The following SSH1 variants were observed in gnomAD, a reference collection of about 807,000 sequenced individuals.
The protein encoded by SSH1 is slingshot protein phosphatase 1.
In SSH1, 43 loss-of-function variants were observed where a neutral mutation model predicts 79.7. The observed-to-expected ratio is 0.54, with a 90% CI of 0.42 to 0.70. The LOEUF is 0.70. Among genes scored for constraint, SSH1 ranks in the 30% least tolerant of loss-of-function variants. The pLI, the probability that SSH1 is intolerant of heterozygous loss-of-function variation, is 0.00. For missense variants in SSH1, 1,206 were observed against 1,358.8 expected, an observed-to-expected ratio of 0.89 and a Z score of 1.77; for synonymous variants, 599 against 538.3, an observed-to-expected ratio of 1.11 and a Z score of -1.56.
At chr12:108,816,641 C>T (rs947714962) in intron 5 of SSH1, among the ~76,000 whole-genome samples, 1 of 152,178 alleles carries the variant, frequency 6.6e-6, no homozygotes, top group Non-Finnish European at 1.5e-5. Context: ...CCATACTTCT[C>T]CCCGGGCCCC....
At chr12:108,789,463 C>G (rs2036412312) in intron 14 of SSH1, among the ~76,000 whole-genome samples, 2 of 152,088 alleles carry the variant, frequency 1.3e-5, no homozygotes, top group Admixed American at 6.6e-5. Flanking sequence ...CAATAGAAAA[C>G]AAGTTTACAT....
chr12:108,837,982 C>A (rs1212104453), intron 2 of SSH1, among the ~76,000 whole-genome samples: 1 of 152,134 alleles, frequency 6.6e-6, no homozygotes, highest in Non-Finnish European at 1.5e-5. Context: ...CAGGGTCTCA[C>A]TATGCTGCCA....
rs764074685 is a variant in SSH1 at position 108,792,631 on chromosome 12, G to T, written c.1548C>A (p.Asp516Glu). The change falls in exon 14 of 15, where the codon GAC (aspartate) becomes GAA (glutamate). Residue 516 changes from aspartate to glutamate, a missense_variant. Coordinates refer to ENST00000326495, the MANE Select transcript of SSH1 (RefSeq NM_018984.4). ...CATCCTCAGGGGAAGGCAGAAGGGG[G>T]TCTGAGAGTCGCCGGAAACAGCAGG... ...PLPCCFRRLS[D>E]PLLPSPEDET... 3.7e-6 allele frequency: 6 copies of T among 1,612,078 alleles called. No homozygotes were observed. The South Asian group carries it at 6.6e-5, about 18-fold the overall frequency.
chr12:108,840,144 T>C (rs1218101458), intron 2 of SSH1, among the ~76,000 whole-genome samples: 1 of 152,120 alleles, frequency 6.6e-6, no homozygotes, highest in Non-Finnish European at 1.5e-5. Context: ...GGCTTCCTCA[T>C]AAGCACATCA....
rs1021073402 is a variant in SSH1 at position 108,789,104 on chromosome 12, G to A, written c.2034C>T (p.Thr678=). 2 of 1,613,916 alleles carry A rather than the reference G, an allele frequency of 1.2e-6. No homozygotes were observed. The highest frequency in any genetic ancestry group is 1.7e-6 in the Non-Finnish European group (2 of 1,179,878). Residue 678 remains threonine, a synonymous_variant, in exon 15 of 15, where the codon ACC becomes ACT. Coordinates refer to ENST00000326495, the MANE Select transcript of SSH1 (RefSeq NM_018984.4). ...TGATGTGGGGTAGGAAGGCTGGCTG[G>A]GTGCAGATGGCGGGAGCATTGGGGT... is the stretch of plus-strand genomic sequence containing the variant. ...CEDPNAPAIC[T]QPAFLPHITS...
intron 2 of SSH1, among the ~76,000 whole-genome samples, chr12:108,848,198 C>T (rs1398560016): frequency 1.3e-5 from 2 of 152,138 alleles, no homozygotes; most frequent in African/African-American, 4.8e-5. Context: ...AGGTGTTCCT[C>T]TGTGACGGGA....
At chr12:108,837,763 G>A (rs1328500521) in intron 2 of SSH1, among the ~76,000 whole-genome samples, 1 of 151,810 alleles carries the variant, frequency 6.6e-6, no homozygotes, top group Non-Finnish European at 1.5e-5. Flanking sequence ...AGCATTACAA[G>A]TTTTCGAGTT....
intron 10 of SSH1, among the ~76,000 whole-genome samples, chr12:108,804,691 CTG>C (rs2037187727): frequency 6.6e-6 from 1 of 152,208 alleles, no homozygotes; most frequent in Non-Finnish European, 1.5e-5. Context: ...CCTTTAGTAA[CTG>C]GGGTTTTTTA....
At chr12:108,831,287 T>C (rs2038467049) in intron 2 of SSH1, among the ~76,000 whole-genome samples, 1 of 152,188 alleles carries the variant, frequency 6.6e-6, no homozygotes, top group Non-Finnish European at 1.5e-5. Flanking sequence ...TCCAGCGAAC[T>C]TGATGGTAAT....
At chr12:108,815,058 G>T (rs1347444936) in intron 5 of SSH1, among the ~76,000 whole-genome samples, 2 of 152,228 alleles carry the variant, frequency 1.3e-5, no homozygotes. Context: ...GAGCTAGCAA[G>T]TCCATACATG....
Position 108,802,371 on chromosome 12 carries a change from G to A in SSH1, c.955-3C>T, listed in dbSNP as rs1162606950. ...TTGGATGCATTCCATTCAGAGCCCT[G>A]GGAGACAGATCACACAAGCTCCTGT... On this transcript the variant is annotated splice_polypyrimidine_tract_variant and splice_region_variant and intron_variant, in intron 10 of 14. Transcript: ENST00000326495. 4.3e-6 allele frequency: 7 copies of A among 1,613,960 alleles called. No homozygotes were observed. Among genetic ancestry groups the A allele is most frequent in the Non-Finnish European group, 5.9e-6 (7 of 1,179,884 alleles).
At chr12:108,854,447 A>C (rs770851266) in intron 1 of SSH1, among the ~76,000 whole-genome samples, 2 of 152,272 alleles carry the variant, frequency 1.3e-5, no homozygotes, top group Non-Finnish European at 2.9e-5. Flanking sequence ...AGGAACTGAG[A>C]TAAGATTCAC....
In SSH1 at chr12:108,799,153, C is replaced by T. The variant is rs1222844460; in HGVS notation, c.1196G>A (p.Arg399His). 6 of 1,614,136 alleles carry T rather than the reference C, an allele frequency of 3.7e-6. No individual in the cohort carries two copies. The highest frequency in any genetic ancestry group is 5.1e-6 in the Non-Finnish European group (6 of 1,180,022). ...CLVHCKMGVS[R>H]SASTVIAYAM... is the part of the protein sequence containing the mutation. ...ATAGGCTATGACTGTGGAGGCCGAG[C>T]GACTCACGCCCATTTTGCAATGCAC... is the stretch of plus-strand genomic sequence containing the variant. Residue 399 changes from arginine (R) to histidine (H), a missense_variant, in exon 13 of 15, where the codon CGC (arginine) becomes CAC (histidine). This residue lies in a region of SSH1 where 166 missense variants were observed against 262.9 expected (regional missense o/e 0.63). Coordinates refer to ENST00000326495, the MANE Select transcript of SSH1 (RefSeq NM_018984.4).
At chr12:108,831,074 G>A (rs953413054) in intron 2 of SSH1, among the ~76,000 whole-genome samples, 1 of 152,210 alleles carries the variant, frequency 6.6e-6, no homozygotes, top group Non-Finnish European at 1.5e-5. Flanking sequence ...TAAGGAAACA[G>A]GGAGTTAAAT....
At position 108,792,617 on chromosome 12, in the gene SSH1, G is replaced by A. The variant is rs772244361; in HGVS notation, c.1562C>T (p.Ser521Phe). 1.9e-6 allele frequency: 3 copies of A among 1,612,394 alleles called. No homozygotes were observed. Among genetic ancestry groups the A allele is most frequent in the Non-Finnish European group, 2.5e-6 (3 of 1,179,382 alleles). The change falls in exon 14 of 15, where the codon TCC (serine) becomes TTC (phenylalanine). Residue 521 changes from serine (S) to phenylalanine (F), a missense_variant. Around this residue, in one of 5 missense-constraint regions of SSH1, gnomAD observed 709 missense variants for 730.6 expected, o/e 0.97. Transcript: ENST00000326495. ...CAAGCTGCCAGTTTCATCCTCAGGG[G>A]AAGGCAGAAGGGGGTCTGAGAGTCG... ...FRRLSDPLLP[S>F]PEDETGSLVH...
Position 108,784,993 on chromosome 12 carries a change from A to G in SSH1, c.*2995T>C, listed in dbSNP as rs943006884. 4 of 152,290 alleles carry G rather than the reference A, an allele frequency of 2.6e-5. No homozygotes were observed. The highest frequency in any genetic ancestry group is 9.6e-5 in the African/African-American group (4 of 41,474). 9.4% of individuals were successfully genotyped at this position (152,290 alleles called of 1,614,324 possible). Reference sequence around the variant, plus strand: ...AATTTTCCCCATCAGCTAAGGTTGCATACAAAGCAAGGGCCAAGCTATGGC... The same window carrying G: ...AATTTTCCCCATCAGCTAAGGTTGCGTACAAAGCAAGGGCCAAGCTATGGC... On this transcript the variant is annotated 3_prime_UTR_variant, in exon 15 of 15. Coordinates refer to ENST00000326495, the MANE Select transcript of SSH1 (RefSeq NM_018984.4).
intron 2 of SSH1, among the ~76,000 whole-genome samples, chr12:108,835,791 A>C (rs2038589190): frequency 6.6e-6 from 1 of 151,178 alleles, no homozygotes; most frequent in African/African-American, 2.4e-5. Context: ...GACTGCTCAC[A>C]GGCAAGGAAT....
chr12:108,842,520 C>T (rs1298020139), intron 2 of SSH1, among the ~76,000 whole-genome samples: 2 of 152,222 alleles, frequency 1.3e-5, no homozygotes, highest in African/African-American at 2.4e-5. Context: ...AGAAGCTGGC[C>T]TCATTACCAC....
intron 11 of SSH1, among the ~76,000 whole-genome samples, chr12:108,801,226 T>G (rs749697063): frequency 6.6e-6 from 1 of 152,212 alleles, no homozygotes; most frequent in African/African-American, 2.4e-5. Flanking sequence ...CTTAAATTTA[T>G]AACTATTCAT....
Sources: gnomAD v4.1 joint callset for allele counts (sites outside exome capture counted in the v4.1 genomes callset) on GRCh38, gnomAD v4.1.1 for gene constraint, gnomAD v4.1.1 regional missense constraint, MANE v1.5 for transcripts, NCBI Gene and HGNC (gene_info 2026-07-23, HGNC 2026-07-21) for gene names.